Variants in ADAMTS15 observed in about 807,000 individuals in gnomAD.
The protein encoded by ADAMTS15 is ADAM metallopeptidase with thrombospondin type 1 motif 15.
A neutral mutation model predicts 79.1 loss-of-function variants in ADAMTS15; 35 were observed. The ratio of observed to expected loss-of-function variants is 0.44; its 90% CI spans 0.34 to 0.59. ADAMTS15 has a LOEUF of 0.59. Among genes scored for constraint, ADAMTS15 ranks in the 20% least tolerant of loss-of-function variants. The probability of loss-of-function intolerance (pLI) is 0.02; values close to 1 mark genes in which losing one functional copy is unlikely to be tolerated. For synonymous variants in ADAMTS15, 616 were observed against 567.3 expected (o/e 1.09, Z -1.22); for missense variants, 1,324 against 1,318.7 (o/e 1.00, Z -0.06).
At chr11:130,451,998 T>C (rs1049604083) in intron 1 of ADAMTS15, among the ~76,000 whole-genome samples, 28 of 152,178 alleles carry the variant, frequency 1.8e-4, no homozygotes, top group African/African-American at 6.8e-4. Context: ...GAGGCTTCTG[T>C]GTGGTCAGGG....
rs200818431 is a variant in ADAMTS15 at position 130,449,474 on chromosome 11, C to T, written c.501C>T (p.Ser167=). ...LQRRGVPGGP[S]GDPTSRCGVA... ...GCCGGGGTGTTCCGGGCGGGCCTTC[C>T]GGAGACCCCACCTCTCGCTGCGGGG... Residue 167 remains serine, a synonymous_variant, in exon 1 of 8, where the codon TCC becomes TCT. Transcript: ENST00000299164. This position sits in a 1 kb window ranked among gnomAD's most constrained non-coding sequence, Gnocchi z 7.8. The T allele has an allele frequency of 2.0e-5, 32 of 1,565,852 alleles. No homozygotes were observed. Among genetic ancestry groups the T allele is most frequent in the Non-Finnish European group, 2.7e-5 (31 of 1,159,388 alleles).
chr11:130,452,691 T>C (rs750733528), intron 1 of ADAMTS15, among the ~76,000 whole-genome samples: 3 of 152,222 alleles, frequency 2.0e-5, no homozygotes, highest in Non-Finnish European at 4.4e-5. Flanking sequence ...TTGTAATAAA[T>C]TGTGGCCTTG....
intron 5 of ADAMTS15, among the ~76,000 whole-genome samples, chr11:130,470,192 A>ATG (rs1938418040): frequency 5.8e-5 from 3 of 51,980 alleles, no homozygotes; most frequent in South Asian, 5.1e-4. Context: ...GTGTGTATAT[A>ATG]TATATATATA....
Position 130,462,755 on chromosome 11 carries a change from A to G in ADAMTS15, c.1517A>G (p.Glu506Gly). ...GKLCLKGACVERHNLNKHRVD... is the reference protein window; with the variant it reads ...GKLCLKGACVGRHNLNKHRVD... ...CTCTGCCTCAAAGGGGCCTGCGTGG[A>G]GAGACACAACCTCAACAAGCACAGG... Residue 506 changes from glutamate to glycine, a missense_variant, in exon 4 of 8, where the codon GAG (glutamate) becomes GGG (glycine). Coordinates refer to ENST00000299164, the MANE Select transcript of ADAMTS15 (RefSeq NM_139055.4). The surrounding 1 kb of genome is among the most constrained non-coding windows in gnomAD (Gnocchi z 4.3). 6.3e-7 allele frequency: 1 copy of G among 1,598,054 alleles called. No homozygotes were observed. Among genetic ancestry groups the G allele is most frequent in the Non-Finnish European group, 8.6e-7 (1 of 1,167,300 alleles).
At chr11:130,454,347 A>G (rs912509149) in intron 1 of ADAMTS15, among the ~76,000 whole-genome samples, 1 of 152,180 alleles carries the variant, frequency 6.6e-6, no homozygotes, top group Non-Finnish European at 1.5e-5. Flanking sequence ...CTTGAGCAGT[A>G]CTGTGTTTCA....
chr11:130,468,264 G>A (rs1419847743), intron 4 of ADAMTS15, among the ~76,000 whole-genome samples: 1 of 152,146 alleles, frequency 6.6e-6, no homozygotes, highest in East Asian at 1.9e-4. Context: ...TGCAAGTGAA[G>A]CACCGGAAAG....
chr11:130,455,220 A>G (rs1310312871), intron 1 of ADAMTS15, among the ~76,000 whole-genome samples: 2 of 152,126 alleles, frequency 1.3e-5, no homozygotes, highest in Non-Finnish European at 1.5e-5. Flanking sequence ...TATGGTAGTT[A>G]TTATCATCTC....
chr11:130,468,322 T>G (rs926256408), intron 4 of ADAMTS15, among the ~76,000 whole-genome samples: 1 of 152,174 alleles, frequency 6.6e-6, no homozygotes, highest in African/African-American at 2.4e-5. Flanking sequence ...TGCTGTGGTG[T>G]GGGCAGAGTC....
Position 130,476,381 on chromosome 11 carries a change from G to A in ADAMTS15, c.*2560G>A, listed in dbSNP as rs1938587702. On this transcript the variant is annotated 3_prime_UTR_variant, in exon 8 of 8. Transcript: ENST00000299164. ...CTCATATGAACCTCGACATGCTGGA[G>A]TGGGGTCTGGCAGGAGCTGATGACA... 6.6e-6 allele frequency: 1 copy of A among 152,278 alleles called. No homozygotes were observed. Among genetic ancestry groups the A allele is most frequent in the East Asian group, 1.9e-4 (1 of 5,186 alleles). The allele number at this position is 152,278 out of a possible 1,614,324, so 9.4% of individuals were successfully genotyped here. A position where few individuals can be genotyped will look rare whatever the true frequency, so the allele number is the denominator to read the frequency against.
At chr11:130,470,130 ATACATATATATATATATATATGTG>A (rs1188888646) in intron 5 of ADAMTS15, among the ~76,000 whole-genome samples, 28 of 87,900 alleles carry the variant, frequency 3.2e-4, no homozygotes, top group Non-Finnish European at 4.4e-4. Flanking sequence ...ATATATATAT[ATACATATATATATATATATATGTG>A]TATATATATA....
rs74487200 is a variant in ADAMTS15 at position 130,473,245 on chromosome 11, C to T, written c.2277C>T (p.Tyr759=). The part of the protein sequence containing the change: ...DLVVKGSLLR[Y]SGTGTAVESL... ...TGGTGAAGGGCAGTCTGCTGCGGTACAGCGGCACGGGCACAGCGGTGGAGA... is the reference window on the plus strand; with the variant it reads ...TGGTGAAGGGCAGTCTGCTGCGGTATAGCGGCACGGGCACAGCGGTGGAGA... Residue 759 remains tyrosine (Y), a synonymous_variant, in exon 8 of 8, where the codon TAC becomes TAT. Transcript: ENST00000299164. 966 of 1,613,662 alleles carry T rather than the reference C, an allele frequency of 6.0e-4. 6 individuals carry two copies. The African/African-American group carries it at 0.012, about 20-fold the overall frequency.
In ADAMTS15 at chr11:130,472,073, G is replaced by A. The variant is rs1165648121; in HGVS notation, c.2078+690G>A. Among the ~76,000 whole-genome samples, 1 of 152,256 alleles carries A rather than the reference G, an allele frequency of 6.6e-6. No homozygotes were observed. The highest frequency in any genetic ancestry group is 1.5e-5 in the Non-Finnish European group (1 of 68,042). On this transcript the variant is annotated intron_variant, in intron 7 of 7. Transcript: ENST00000299164. The surrounding 1 kb of genome is among the most constrained non-coding windows in gnomAD (Gnocchi z 4.7). ...CTGGGCCTCCCAGCTTGAGCTTCCT[G>A]AGGTCAAACATATGCTCCTTGGAAA... is the stretch of plus-strand genomic sequence containing the variant.
rs765474969 is a variant in ADAMTS15, at chr11:130,471,037, G to A, written c.1838G>A (p.Arg613Gln). ...CCCAAGTACTCCGGCGTGTCTCCCC[G>A]GGACAAGTGCAAGCTCATCTGCCGA... Reference protein sequence around the residue: ...WVPKYSGVSPRDKCKLICRAN... With the variant: ...WVPKYSGVSPQDKCKLICRAN... Residue 613 changes from arginine (R) to glutamine (Q), a missense_variant, in exon 6 of 8, where the codon CGG (arginine) becomes CAG (glutamine). Arg to Gln is a conservative substitution (Grantham distance 43). Coordinates refer to ENST00000299164, the MANE Select transcript of ADAMTS15 (RefSeq NM_139055.4). 8.7e-6 allele frequency: 14 copies of A among 1,613,702 alleles called. No individual in the cohort carries two copies. The highest frequency in any genetic ancestry group is 4.5e-5 in the East Asian group (2 of 44,886).
Position 130,462,916 on chromosome 11 carries a change from G to C in ADAMTS15, c.1542+136G>C. On this transcript the variant is annotated intron_variant, in intron 4 of 7. Coordinates refer to ENST00000299164, the MANE Select transcript of ADAMTS15 (RefSeq NM_139055.4). This position sits in a 1 kb window ranked among gnomAD's most constrained non-coding sequence, Gnocchi z 4.3. Reference sequence around the variant, plus strand: ...ACGGGACCAGCACTGTTGCATGGCTGAGCTGTGCCTTCACTGCCCTGTATA... The same window carrying C: ...ACGGGACCAGCACTGTTGCATGGCTCAGCTGTGCCTTCACTGCCCTGTATA... 1 of 1,204,068 alleles carries C rather than the reference G, an allele frequency of 8.3e-7. No homozygotes were observed. Among genetic ancestry groups the C allele is most frequent in the Non-Finnish European group, 1.2e-6 (1 of 865,530 alleles). 74.6% of individuals were successfully genotyped at this position (1,204,068 alleles called of 1,614,324 possible). A position where few individuals can be genotyped will look rare whatever the true frequency, so the allele number is the denominator to read the frequency against.
rs555376163 is a variant in ADAMTS15, at chr11:130,475,249, C to T, written c.*1428C>T. The T allele has an allele frequency of 1.3e-5, 2 of 152,238 alleles. No homozygotes were observed. Among genetic ancestry groups the T allele is most frequent in the Non-Finnish European group, 2.9e-5 (2 of 68,078 alleles). The allele number at this position is 152,238 out of a possible 1,614,324, so 9.4% of individuals were successfully genotyped here. A position where few individuals can be genotyped will look rare whatever the true frequency, so the allele number is the denominator to read the frequency against. On this transcript the variant is annotated 3_prime_UTR_variant, in exon 8 of 8. Transcript: ENST00000299164. ...GAGGCACCAAGAATCAATGACTGAC[C>T]CAGGGGGCCTGGCAGCCACTAGTAT...
At position 130,462,863 on chromosome 11, in the gene ADAMTS15, C is replaced by G; in HGVS notation, c.1542+83C>G. On this transcript the variant is annotated intron_variant, in intron 4 of 7. Coordinates refer to ENST00000299164, the MANE Select transcript of ADAMTS15 (RefSeq NM_139055.4). This position sits in a 1 kb window ranked among gnomAD's most constrained non-coding sequence, Gnocchi z 4.3. Reference sequence around the variant, plus strand: ...GGGCCTCGTCTGCCCTTGGTCTTCACCAGGAAGGTGCCTATCACAGACTGG... The same window carrying G: ...GGGCCTCGTCTGCCCTTGGTCTTCAGCAGGAAGGTGCCTATCACAGACTGG... 1 of 1,515,710 alleles carries G rather than the reference C, an allele frequency of 6.6e-7. No homozygotes were observed. The highest frequency in any genetic ancestry group is 8.9e-7 in the Non-Finnish European group (1 of 1,128,250). The allele number at this position is 1,515,710 out of a possible 1,614,324, so 93.9% of individuals were successfully genotyped here.
At chr11:130,466,706 G>A (rs962549168) in intron 4 of ADAMTS15, among the ~76,000 whole-genome samples, 2 of 152,176 alleles carry the variant, frequency 1.3e-5, no homozygotes, top group African/African-American at 4.8e-5. Context: ...CTTTTGGAAT[G>A]CACCTTAGGT....
At position 130,464,984 on chromosome 11, in the gene ADAMTS15, AG is replaced by A. The variant is rs1467577429; in HGVS notation, c.1542+2205del. On this transcript the variant is annotated intron_variant, in intron 4 of 7. Transcript: ENST00000299164. ...CCCATCTCAAGGAAAAAAAAAAAAAAGAAAAAGAAAAAAGTAAAATAAATTG... is the reference window on the plus strand; with the variant it reads ...CCCATCTCAAGGAAAAAAAAAAAAAAAAAAAGAAAAAAGTAAAATAAATTG... Among the ~76,000 whole-genome samples the A allele has an allele frequency of 1.7e-3, 256 of 148,512 alleles. 1 individual carries two copies. Among genetic ancestry groups the A allele is most frequent in the African/African-American group, 6.3e-3 (253 of 40,294 alleles).
In ADAMTS15 at chr11:130,449,684, C is replaced by A. The variant is rs199889124; in HGVS notation, c.711C>A (p.Asp237Glu). 1.9e-6 allele frequency: 3 copies of A among 1,605,612 alleles called. No homozygotes were observed. The highest frequency in any genetic ancestry group is 1.1e-5 in the South Asian group (1 of 89,950). ...DESMVKFHGA[D>E]LEHYLLTLLA... is the part of the protein sequence containing the mutation. The stretch of plus-strand genomic sequence containing the variant: ...CAATGGTCAAGTTCCACGGCGCGGA[C>A]CTGGAACATTATCTGCTGACGCTGC... The change falls in exon 1 of 8, where the codon GAC becomes GAA. Residue 237 changes from aspartate to glutamate, a missense_variant. Physicochemically the swap from Asp to Glu is conservative, Grantham distance 45. Transcript: ENST00000299164. This position sits in a 1 kb window ranked among gnomAD's most constrained non-coding sequence, Gnocchi z 7.8.
Sources: gnomAD v4.1 joint callset for allele counts (sites outside exome capture counted in the v4.1 genomes callset) on GRCh38, gnomAD v4.1.1 for gene constraint, Gnocchi (gnomAD v3.1) non-coding constraint, MANE v1.5 for transcripts, NCBI Gene and HGNC (gene_info 2026-07-23, HGNC 2026-07-21) for gene names.